The following GRM8 variants were observed in gnomAD, a reference collection of about 807,000 sequenced individuals.
GRM8 encodes glutamate metabotropic receptor 8, also known as metabotropic glutamate receptor 8.
GRM8 carries 47 observed loss-of-function variants against 87.2 expected under a neutral mutation model. That is an observed-to-expected ratio of 0.54 (90% CI 0.43 to 0.69). The LOEUF (loss-of-function observed/expected upper bound fraction) is 0.69, where lower values mean the gene tolerates loss of function less well. Ranked by LOEUF, GRM8 falls within the 30% of genes least tolerant of loss-of-function variation. The pLI, the probability that GRM8 is intolerant of heterozygous loss-of-function variation, is 0.00. For synonymous variants in GRM8, 396 were observed against 404.5 expected, an observed-to-expected ratio of 0.98 and a Z score of 0.25; for missense variants, 1,019 against 1,139.2, an observed-to-expected ratio of 0.89 and a Z score of 1.52.
At chr7:127,069,609 G>C (rs553625281) in intron 3 of GRM8, among the ~76,000 whole-genome samples, 1 of 152,230 alleles carries the variant, frequency 6.6e-6, no homozygotes, top group Admixed American at 6.5e-5. Context: ...AGAACCCCAA[G>C]AGGAAAGTAG....
chr7:126,520,525 G>A (rs1812830817), intron 9 of GRM8, among the ~76,000 whole-genome samples: 2 of 152,074 alleles, frequency 1.3e-5, no homozygotes, highest in Non-Finnish European at 2.9e-5. Context: ...TGAATGATGA[G>A]AATGTCAAGG....
chr7:126,476,123 A>G (rs181987005), intron 9 of GRM8, among the ~76,000 whole-genome samples: 2 of 152,246 alleles, frequency 1.3e-5, no homozygotes, highest in African/African-American at 4.8e-5. Context: ...ATCAAATTAA[A>G]AAGCTTCTGC....
intron 3 of GRM8, among the ~76,000 whole-genome samples, chr7:127,083,607 C>A (rs1438815772): frequency 2.6e-5 from 4 of 151,420 alleles, no homozygotes; most frequent in Admixed American, 2.6e-4. Flanking sequence ...CCCCCATCAT[C>A]CCTTTCCTAA....
intron 9 of GRM8, among the ~76,000 whole-genome samples, chr7:126,499,127 A>G (rs1289350042): frequency 6.6e-6 from 1 of 151,886 alleles, no homozygotes; most frequent in African/African-American, 2.4e-5. Context: ...ACCTCTCCAA[A>G]TTTGAATCTC....
chr7:126,752,566 C>T (rs996198576), intron 7 of GRM8, among the ~76,000 whole-genome samples: 1 of 151,978 alleles, frequency 6.6e-6, no homozygotes. Flanking sequence ...GTGAGAATAG[C>T]CATAAGGATT....
At chr7:126,440,659 A>G (rs1801369183) in intron 10 of GRM8, among the ~76,000 whole-genome samples, 1 of 152,050 alleles carries the variant, frequency 6.6e-6, no homozygotes. Context: ...ACAATTCAGG[A>G]CAGTAACATG....
intron 2 of GRM8, among the ~76,000 whole-genome samples, chr7:127,212,410 A>ATTTTTTTTT (rs144077638): frequency 8.2e-5 from 8 of 97,694 alleles, no homozygotes; most frequent in East Asian, 3.0e-4. Context: ...ACATGGTGTT[A>ATTTTTTTTT]TTTTTTTTTT....
chr7:126,475,987 C>T (rs1805859929), intron 9 of GRM8, among the ~76,000 whole-genome samples: 1 of 152,066 alleles, frequency 6.6e-6, no homozygotes, highest in Non-Finnish European at 1.5e-5. Flanking sequence ...AAATGTATGA[C>T]CTGAAACCTT....
chr7:126,765,767 T>A (rs1454873539), intron 7 of GRM8, among the ~76,000 whole-genome samples: 2 of 152,116 alleles, frequency 1.3e-5, no homozygotes, highest in Non-Finnish European at 2.9e-5. Context: ...AAGGAAAGTC[T>A]TTGTTTCCTT....
chr7:126,636,534 T>A (rs1018310084), intron 7 of GRM8, among the ~76,000 whole-genome samples: 2 of 152,138 alleles, frequency 1.3e-5, no homozygotes, highest in African/African-American at 2.4e-5. Flanking sequence ...TGCAATTTTT[T>A]AAAAAATATT....
intron 7 of GRM8, among the ~76,000 whole-genome samples, chr7:126,676,200 G>A (rs1460868235): frequency 6.6e-6 from 1 of 152,078 alleles, no homozygotes; most frequent in Non-Finnish European, 1.5e-5. Flanking sequence ...TCTCTACAAG[G>A]AGACTATCAC....
intron 2 of GRM8, among the ~76,000 whole-genome samples, chr7:127,220,728 C>T (rs1796870779): frequency 6.6e-6 from 1 of 152,114 alleles, no homozygotes; most frequent in Admixed American, 6.6e-5. Context: ...GGCTCAAGTA[C>T]TCCCCCTATC....
chr7:126,844,348 A>G (rs1364054492), intron 6 of GRM8, among the ~76,000 whole-genome samples: 1 of 152,176 alleles, frequency 6.6e-6, no homozygotes, highest in Non-Finnish European at 1.5e-5. Context: ...TTTAACAAGC[A>G]TTCTGAAAGT....
At chr7:127,217,400 C>T (rs1237533285) in intron 2 of GRM8, among the ~76,000 whole-genome samples, 1 of 152,168 alleles carries the variant, frequency 6.6e-6, no homozygotes, top group African/African-American at 2.4e-5. Flanking sequence ...AAAAAGCATC[C>T]AGACAGAAAA....
At chr7:127,146,198 T>C (rs1190535048) in intron 2 of GRM8, among the ~76,000 whole-genome samples, 1 of 152,096 alleles carries the variant, frequency 6.6e-6, no homozygotes, top group African/African-American at 2.4e-5. Context: ...AAGTGTAATA[T>C]AGATAGGTCT....
At chr7:126,676,149 C>T (rs1806935312) in intron 7 of GRM8, among the ~76,000 whole-genome samples, 1 of 152,042 alleles carries the variant, frequency 6.6e-6, no homozygotes, top group Non-Finnish European at 1.5e-5. Flanking sequence ...CTACAAAGAA[C>T]AAATGAACCT....
At chr7:126,479,466 C>T (rs1036095353) in intron 9 of GRM8, among the ~76,000 whole-genome samples, 21 of 152,006 alleles carry the variant, frequency 1.4e-4, no homozygotes, top group African/African-American at 5.1e-4. Flanking sequence ...TAAAAATAGC[C>T]TCATACTATA....
chr7:126,502,599 G>A (rs950261342), intron 9 of GRM8, among the ~76,000 whole-genome samples: 2 of 152,070 alleles, frequency 1.3e-5, no homozygotes, highest in Non-Finnish European at 2.9e-5. Context: ...GTAAAACTCT[G>A]CAGATACCTG....
rs560247797 is a variant in GRM8, at chr7:126,864,555, C to A, written c.1156+37987G>T. On this transcript the variant is annotated intron_variant, in intron 6 of 10. Coordinates refer to ENST00000339582, the MANE Select transcript of GRM8 (RefSeq NM_000845.3). ...TAGTTCTTCATAACTGCCTACGAAC[C>A]TTTAAGTCTATACTTATATACATAT... 5.9e-5 allele frequency among the ~76,000 whole-genome samples: 9 copies of A among 152,148 alleles called. No individual in the cohort carries two copies. In the East Asian group the frequency reaches 1.7e-3, roughly 29 times the overall value.
Sources: gnomAD v4.1 joint callset for allele counts (sites outside exome capture counted in the v4.1 genomes callset) on GRCh38, gnomAD v4.1.1 for gene constraint, MANE v1.5 for transcripts, NCBI Gene and HGNC (gene_info 2026-07-23, HGNC 2026-07-21) for gene names.